The following TARBP1 variants were observed in gnomAD, a reference collection of about 807,000 sequenced individuals.
TARBP1 encodes the protein tRNA guanosine 2 -O-methyltransferase TARBP1.
TARBP1 carries 144 observed loss-of-function variants against 178.6 expected under a neutral mutation model. The ratio of observed to expected loss-of-function variants is 0.81; its 90% CI spans 0.70 to 0.93. The LOEUF is 0.93. Among genes scored for constraint, TARBP1 ranks in the 40% least tolerant of loss-of-function variants. The pLI is 0.00. For missense variants in TARBP1, 2,067 were observed against 2,011.7 expected (o/e 1.03, Z -0.53); for synonymous variants, 787 against 781.0 (o/e 1.01, Z -0.13).
chr1:234,469,990 G>C (rs1668876136), intron 3 of TARBP1, among the ~76,000 whole-genome samples: 1 of 152,230 alleles, frequency 6.6e-6, no homozygotes, highest in East Asian at 1.9e-4. Context: ...TTATTGGCCA[G>C]GCACGGTGGC....
intron 15 of TARBP1, 81 bp from the exon 16 acceptor site, chr1:234,429,758 T>G: frequency 1.8e-5 from 13 of 737,656 alleles, no homozygotes; most frequent in Non-Finnish European, 2.1e-5. Flanking sequence ...CTATCCTTTC[T>G]AAAGGTGGGG....
chr1:234,396,700 C>T (rs2103032076), intron 26 of TARBP1, among the ~76,000 whole-genome samples: 1 of 152,020 alleles, frequency 6.6e-6, no homozygotes, highest in Non-Finnish European at 1.5e-5. Flanking sequence ...TTGCATTTTC[C>T]CAGAACTCTC....
intron 22 of TARBP1, among the ~76,000 whole-genome samples, chr1:234,415,916 C>T (rs1488752884): frequency 2.0e-5 from 3 of 152,252 alleles, no homozygotes; most frequent in Non-Finnish European, 2.9e-5. Context: ...CTCTTCCCCA[C>T]TACCTTTTTT....
intron 25 of TARBP1, among the ~76,000 whole-genome samples, chr1:234,398,996 C>T (rs543213045): frequency 6.6e-6 from 1 of 152,350 alleles, no homozygotes; most frequent in East Asian, 1.9e-4. Context: ...TCTGGTTTGA[C>T]TAATATAATT....
intron 23 of TARBP1, chr1:234,407,710 C>G (rs1022471787): frequency 6.6e-6 from 1 of 152,094 alleles, no homozygotes; most frequent in South Asian, 2.1e-4. Context: ...GGGTTGTGAT[C>G]CAACACTGCT....
At chr1:234,429,089 G>A in intron 17 of TARBP1, 47 bp downstream of exon 17, 1 of 1,492,664 alleles carries the variant, frequency 6.7e-7, no homozygotes, top group South Asian at 1.4e-5. Flanking sequence ...ATGTGCTGAA[G>A]CTCACACACA....
chr1:234,429,530 T>C lies in TARBP1; in HGVS notation c.2757A>G (p.Leu919=), dbSNP rs771787764. 1.2e-6 allele frequency: 2 copies of C among 1,614,116 alleles called. No homozygotes were observed. Among genetic ancestry groups the C allele is most frequent in the South Asian group, 1.1e-5 (1 of 91,082 alleles). The change falls in exon 16 of 30, where the codon CTA becomes CTG. Residue 919 remains leucine (L), a synonymous_variant. Coordinates refer to ENST00000040877, the MANE Select transcript of TARBP1 (RefSeq NM_005646.4). The part of the protein sequence containing the change: ...TTGSEILEPF[L]PAVQMPIRTL... Reference sequence around the variant, plus strand: ...TCCTTATTGGCATCTGAACGGCAGGTAGAAACGGTTCCAGAATTTCACTCC... The same window carrying C: ...TCCTTATTGGCATCTGAACGGCAGGCAGAAACGGTTCCAGAATTTCACTCC...
At chr1:234,398,219 G>T in intron 26 of TARBP1, 163 bp downstream of exon 26, 1 of 448,418 alleles carries the variant, frequency 2.2e-6, no homozygotes, top group Non-Finnish European at 3.7e-6. Flanking sequence ...GTTAGTCAAA[G>T]TTATACCACA....
intron 13 of TARBP1, among the ~76,000 whole-genome samples, chr1:234,435,627 C>T (rs1321387879): frequency 6.6e-6 from 1 of 152,070 alleles, no homozygotes; most frequent in African/African-American, 2.4e-5. Flanking sequence ...GGATGAAATC[C>T]CAATTTCCTT....
chr1:234,393,305 C>G (rs996152483), intron 28 of TARBP1, 57 bp downstream of exon 28: 6 of 1,376,288 alleles, frequency 4.4e-6, no homozygotes, highest in African/African-American at 4.3e-5. Flanking sequence ...TTTAGGTTCA[C>G]GGGTACATGT....
intron 22 of TARBP1, among the ~76,000 whole-genome samples, chr1:234,417,786 C>T (rs1471625994): frequency 6.6e-6 from 1 of 152,096 alleles, no homozygotes; most frequent in Non-Finnish European, 1.5e-5. Context: ...CAAACAAAGA[C>T]ATTGCTTGGT....
intron 12 of TARBP1, 41 bp from the exon 13 acceptor site, chr1:234,437,413 T>C: frequency 9.3e-7 from 1 of 1,070,888 alleles, no homozygotes; most frequent in South Asian, 1.6e-5. Flanking sequence ...ATGACAGCAG[T>C]TCTTTGGTAC....
At chr1:234,395,905 C>T (rs1201469304) in intron 26 of TARBP1, among the ~76,000 whole-genome samples, 1 of 152,086 alleles carries the variant, frequency 6.6e-6, no homozygotes, top group Non-Finnish European at 1.5e-5. Context: ...TTCCAAATAG[C>T]TAGAAGAGAG....
Position 234,430,717 on chromosome 1 carries a change from T to TA in TARBP1, c.2395-417dup, listed in dbSNP as rs11300351. On this transcript the variant is annotated intron_variant, in intron 14 of 29. Transcript: ENST00000040877. ...ATTTTAACTGTCTGCTGAAACATGTTAAAAAAAAAAATAAAAGGCTCCAGG... is the reference window on the plus strand; with the variant it reads ...ATTTTAACTGTCTGCTGAAACATGTTAAAAAAAAAAAATAAAAGGCTCCAGG... 3.2e-4 allele frequency among the ~76,000 whole-genome samples: 48 copies of TA among 149,862 alleles called. No individual in the cohort carries two copies. The South Asian group carries it at 3.6e-3, about 11-fold the overall frequency.
intron 9 of TARBP1, among the ~76,000 whole-genome samples, chr1:234,454,345 G>A (rs1667080080): frequency 6.6e-6 from 1 of 152,158 alleles, no homozygotes; most frequent in Admixed American, 6.5e-5. Context: ...GTTTTTTTAG[G>A]TGTGATAAAG....
At position 234,460,297 on chromosome 1, in the gene TARBP1, T is replaced by C. The variant is rs754032544; in HGVS notation, c.1499A>G (p.His500Arg). 1.9e-6 allele frequency: 3 copies of C among 1,614,220 alleles called. No individual in the cohort carries two copies. The highest frequency in any genetic ancestry group is 4.5e-5 in the East Asian group (2 of 44,872). ...AAGCCCATCTATACCCAGGGCCTTATGTCTTGGGACATTTGCCAAAGCCTT... is the reference window on the plus strand; with the variant it reads ...AAGCCCATCTATACCCAGGGCCTTACGTCTTGGGACATTTGCCAAAGCCTT... ...LSKALANVPR[H>R]KALGIDGLLA... The change falls in exon 7 of 30, where the codon CAT becomes CGT. Residue 500 changes from histidine to arginine, a missense_variant. By Grantham distance (29) the His-to-Arg change is conservative. Coordinates refer to ENST00000040877, the MANE Select transcript of TARBP1 (RefSeq NM_005646.4).
chr1:234,391,628 G>C lies in TARBP1; in HGVS notation c.4815C>G (p.Ile1605Met), dbSNP rs755004337. 1 of 1,613,670 alleles carries C rather than the reference G, an allele frequency of 6.2e-7. No individual in the cohort carries two copies. ...LNVHVSGALL[I>M]WEYTRQQLLS... ...GCAGCTGCTGCCTGGTGTACTCCCA[G>C]ATCAGCAGGGCTCCACTCACATGGA... Residue 1605 changes from isoleucine (I) to methionine (M), a missense_variant, in exon 30 of 30, where the codon ATC (isoleucine) becomes ATG (methionine). By Grantham distance (10) the Ile-to-Met change is conservative. Coordinates refer to ENST00000040877, the MANE Select transcript of TARBP1 (RefSeq NM_005646.4).
rs1304942291 is a variant in TARBP1 at position 234,459,304 on chromosome 1, T to A, written c.1558A>T (p.Ile520Phe). ...ALRDVIHCTM[I>F]THQILLRGAA... is the part of the protein sequence containing the mutation. The stretch of plus-strand genomic sequence containing the variant: ...CCTCTCAGGAGAATCTGATGTGTGA[T>A]CATAGTGCAATGAATAACATCCCTG... Residue 520 changes from isoleucine (I) to phenylalanine (F), a missense_variant, in exon 8 of 30, where the codon ATC becomes TTC. Coordinates refer to ENST00000040877, the MANE Select transcript of TARBP1 (RefSeq NM_005646.4). 6.2e-7 allele frequency: 1 copy of A among 1,612,652 alleles called. No individual in the cohort carries two copies. The highest frequency in any genetic ancestry group is 8.5e-7 in the Non-Finnish European group (1 of 1,179,500).
chr1:234,403,606 T>C (rs527463166), intron 24 of TARBP1, among the ~76,000 whole-genome samples: 1 of 152,366 alleles, frequency 6.6e-6, no homozygotes, highest in East Asian at 1.9e-4. Flanking sequence ...CACCTGGCCT[T>C]GTGCCTGTCA....
Sources: gnomAD v4.1 joint callset for allele counts (sites outside exome capture counted in the v4.1 genomes callset) on GRCh38, gnomAD v4.1.1 for gene constraint, MANE v1.5 for transcripts, NCBI Gene and HGNC (gene_info 2026-07-23, HGNC 2026-07-21) for gene names.